Variants in CD2AP observed in about 807,000 individuals in gnomAD.
The protein encoded by CD2AP is CD2 associated protein.
Under a neutral mutation model 85.1 loss-of-function variants are expected in CD2AP, and 46 were observed. The observed-to-expected ratio is 0.54, with a 90% CI of 0.43 to 0.69. CD2AP has a LOEUF of 0.69. CD2AP is among the 30% of genes least tolerant of loss of function. The pLI is 0.00. For synonymous variants in CD2AP, 255 were observed against 252.9 expected (o/e 1.01, Z -0.08); for missense variants, 769 against 729.5 (o/e 1.05, Z -0.62).
chr6:47,543,418 A>G (rs1473383201), intron 3 of CD2AP, among the ~76,000 whole-genome samples: 1 of 152,148 alleles, frequency 6.6e-6, no homozygotes, highest in Non-Finnish European at 1.5e-5. Context: ...GCACACTCTG[A>G]TTCAAAATTC....
intron 16 of CD2AP, among the ~76,000 whole-genome samples, chr6:47,610,102 T>C (rs1769389464): frequency 6.6e-6 from 1 of 152,122 alleles, no homozygotes; most frequent in South Asian, 2.1e-4. Context: ...TTAGGGACTT[T>C]TTAGAGCTAA....
intron 2 of CD2AP, among the ~76,000 whole-genome samples, chr6:47,515,282 T>C (rs931488295): frequency 1.3e-5 from 2 of 152,112 alleles, no homozygotes; most frequent in African/African-American, 4.8e-5. Context: ...CTTAAAGATA[T>C]TTAAAACTAT....
chr6:47,534,251 C>A (rs1411882838), intron 3 of CD2AP, among the ~76,000 whole-genome samples: 1 of 152,060 alleles, frequency 6.6e-6, no homozygotes, highest in Non-Finnish European at 1.5e-5. Flanking sequence ...CATTTGAAAT[C>A]AGATAAGGGT....
At chr6:47,520,189 CTG>C (rs987292494) in intron 2 of CD2AP, among the ~76,000 whole-genome samples, 3 of 151,762 alleles carry the variant, frequency 2.0e-5, no homozygotes, top group African/African-American at 7.3e-5. Context: ...GTTACTGAGA[CTG>C]GGGATAAAGC....
chr6:47,554,820 T>A, intron 5 of CD2AP, 54 bp downstream of exon 5: 1 of 1,452,736 alleles, frequency 6.9e-7, no homozygotes, highest in Non-Finnish European at 9.4e-7. Context: ...ATATAGCATC[T>A]AGTGTTTTAT....
rs1290991548 is a variant in CD2AP, at chr6:47,579,403, T to C, written c.922T>C (p.Trp308Arg). 1.2e-6 allele frequency: 2 copies of C among 1,608,556 alleles called. No homozygotes were observed. The highest frequency in any genetic ancestry group is 2.7e-5 in the African/African-American group (2 of 74,902). The change falls in exon 9 of 18, where the codon TGG becomes CGG. Residue 308 changes from tryptophan to arginine, a missense_variant. Coordinates refer to ENST00000359314, the MANE Select transcript of CD2AP (RefSeq NM_012120.3). The part of the protein sequence containing the change: ...LISKETGEAG[W>R]WRGELNGKEG... Reference sequence around the variant, plus strand: ...TTTTTAGGAGACTGGAGAAGCTGGCTGGTGGAGGGGCGAACTTAATGGTAA... The same window carrying C: ...TTTTTAGGAGACTGGAGAAGCTGGCCGGTGGAGGGGCGAACTTAATGGTAA...
At chr6:47,514,657 C>T (rs947943929) in intron 2 of CD2AP, among the ~76,000 whole-genome samples, 2 of 152,154 alleles carry the variant, frequency 1.3e-5, no homozygotes, top group Non-Finnish European at 2.9e-5. Context: ...CAGTGTAAAA[C>T]AGGATAAATT....
chr6:47,532,840 T>C (rs1291363624), intron 2 of CD2AP, among the ~76,000 whole-genome samples: 1 of 152,238 alleles, frequency 6.6e-6, no homozygotes, highest in East Asian at 1.9e-4. Context: ...GGAGAACTGA[T>C]ATATTTTTAT....
In CD2AP at chr6:47,586,162, C is replaced by A. The variant is rs1562044683; in HGVS notation, c.1108+4097C>A. 2.0e-5 allele frequency among the ~76,000 whole-genome samples: 3 copies of A among 152,028 alleles called. No individual in the cohort carries two copies. The South Asian group carries it at 6.2e-4, about 32-fold the overall frequency. On this transcript the variant is annotated intron_variant, in intron 11 of 17. Coordinates refer to ENST00000359314, the MANE Select transcript of CD2AP (RefSeq NM_012120.3). ...ATTAAAACAGCTATGATAAACGTTT[C>A]CCATGTGTTTAAAAAGGTAGAAGAA... is the stretch of plus-strand genomic sequence containing the variant.
In CD2AP at chr6:47,477,888, G is replaced by C. The variant is rs1765342253; in HGVS notation, c.-357G>C. 2.7e-6 allele frequency: 1 copy of C among 372,318 alleles called. No homozygotes were observed. Among genetic ancestry groups the C allele is most frequent in the Non-Finnish European group, 4.9e-6 (1 of 205,896 alleles). 23.1% of individuals were successfully genotyped at this position (372,318 alleles called of 1,614,324 possible). ...GGGCTCCGAGGCTAGGCGGGCGCTC[G>C]GGGTTGGAGCCGAGGGTCTGGGCAA... is the stretch of plus-strand genomic sequence containing the variant. On this transcript the variant is annotated 5_prime_UTR_variant, in exon 1 of 18. Coordinates refer to ENST00000359314, the MANE Select transcript of CD2AP (RefSeq NM_012120.3).
rs1189407976 is a variant in CD2AP at position 47,544,711 on chromosome 6, G to C, written c.420+5G>C. 2 of 1,537,224 alleles carry C rather than the reference G, an allele frequency of 1.3e-6. No homozygotes were observed. The highest frequency in any genetic ancestry group is 1.8e-6 in the Non-Finnish European group (2 of 1,111,056). On this transcript the variant is annotated splice_donor_5th_base_variant and intron_variant, in intron 4 of 17. Coordinates refer to ENST00000359314, the MANE Select transcript of CD2AP (RefSeq NM_012120.3). ...ATTATTGATATTAATGAAGAGGTAA[G>C]GAAAAAATGTGTTACAGGTAAAACA...
intron 4 of CD2AP, among the ~76,000 whole-genome samples, chr6:47,548,405 T>C (rs1238333629): frequency 6.6e-6 from 1 of 152,124 alleles, no homozygotes; most frequent in African/African-American, 2.4e-5. Flanking sequence ...CAAAAGGTCA[T>C]TCAAGGCTAC....
At chr6:47,573,869 C>T (rs886930887) in intron 5 of CD2AP, among the ~76,000 whole-genome samples, 195 bp from the exon 6 acceptor site, 16 of 152,052 alleles carry the variant, frequency 1.1e-4, no homozygotes, top group African/African-American at 3.6e-4. Context: ...AAATTATTAT[C>T]GTTTTGCACA....
At chr6:47,589,512 G>C (rs976490620) in intron 11 of CD2AP, among the ~76,000 whole-genome samples, 1 of 131,096 alleles carries the variant, frequency 7.6e-6, no homozygotes, top group South Asian at 2.6e-4. Flanking sequence ...ATACACATAC[G>C]TATGTACACA....
intron 12 of CD2AP, among the ~76,000 whole-genome samples, chr6:47,598,641 T>G (rs1397684161): frequency 4.6e-5 from 7 of 150,874 alleles, no homozygotes; most frequent in Non-Finnish European, 1.0e-4. Context: ...TCAAGTGAAG[T>G]AACTTAGGAA....
intron 2 of CD2AP, among the ~76,000 whole-genome samples, chr6:47,520,632 C>A (rs370551902): frequency 2.3e-3 from 345 of 150,838 alleles, no homozygotes; most frequent in African/African-American, 7.7e-3. Context: ...AAAGTGGGGT[C>A]TATGGTGGTG....
intron 5 of CD2AP, among the ~76,000 whole-genome samples, chr6:47,572,422 T>TTA (rs1768182822): frequency 1.3e-5 from 2 of 152,166 alleles, no homozygotes; most frequent in South Asian, 4.1e-4. Flanking sequence ...AAGTTGAATG[T>TTA]TAAAAATATA....
At chr6:47,550,387 T>C (rs1767482920) in intron 4 of CD2AP, among the ~76,000 whole-genome samples, 1 of 152,032 alleles carries the variant, frequency 6.6e-6, no homozygotes, top group South Asian at 2.1e-4. Context: ...AAAAGTGGGC[T>C]AAAGACCTAA....
intron 5 of CD2AP, among the ~76,000 whole-genome samples, chr6:47,567,522 A>T (rs916037581): frequency 7.2e-5 from 11 of 152,170 alleles, no homozygotes; most frequent in Non-Finnish European, 1.3e-4. Flanking sequence ...AAGATGATTT[A>T]AAAAAGTGAT....
Sources: gnomAD v4.1 joint callset for allele counts (sites outside exome capture counted in the v4.1 genomes callset) on GRCh38, gnomAD v4.1.1 for gene constraint, MANE v1.5 for transcripts, NCBI Gene and HGNC (gene_info 2026-07-23, HGNC 2026-07-21) for gene names.